KCNAB2: variants seen among roughly 807,000 people sequenced by gnomAD.
KCNAB2 encodes potassium voltage-gated channel subfamily A regulatory beta subunit 2.
A neutral mutation model predicts 63.6 loss-of-function variants in KCNAB2; 29 were observed. The observed-to-expected ratio is 0.46, with a 90% CI of 0.34 to 0.62. The LOEUF (loss-of-function observed/expected upper bound fraction) is 0.62, where lower values mean the gene tolerates loss of function less well. Ranked by LOEUF, KCNAB2 falls within the 20% of genes least tolerant of loss-of-function variation. The pLI is 0.01. For synonymous variants in KCNAB2, 222 were observed against 224.2 expected (o/e 0.99, Z 0.09); for missense variants, 359 against 563.9 (o/e 0.64, Z 3.68).
chr1:6,079,290 C>T (rs1455326418), intron 4 of KCNAB2, among the ~76,000 whole-genome samples: 3 of 152,024 alleles, frequency 2.0e-5, no homozygotes, highest in South Asian at 4.1e-4. Context: ...GAGGCTGAGG[C>T]GGGCAGATCA....
chr1:6,059,120 G>A (rs1557465119), intron 2 of KCNAB2, among the ~76,000 whole-genome samples: 1 of 152,196 alleles, frequency 6.6e-6, no homozygotes, highest in Non-Finnish European at 1.5e-5. Flanking sequence ...GTAACCGACT[G>A]ATGATGTGCT....
chr1:6,005,834 TG>T lies in KCNAB2; in HGVS notation c.-53+13048del, dbSNP rs1349778584. Among the ~76,000 whole-genome samples the T allele has an allele frequency of 2.6e-5, 4 of 151,778 alleles. No individual in the cohort carries two copies. The East Asian group carries it at 7.8e-4, about 30-fold the overall frequency. ...TGGCAGGGACCACGGGTGCTGTGAC[TG>T]GAGGGAGGTCCCAGGGCTGGCACCC... On this transcript the variant is annotated intron_variant, in intron 1 of 16. Transcript: ENST00000341524.
chr1:6,089,084 A>G, intron 8 of KCNAB2, 33 bp downstream of exon 8: 3 of 1,544,150 alleles, frequency 1.9e-6, no homozygotes, highest in Non-Finnish European at 2.6e-6. Context: ...CAGGGCCCCC[A>G]TACCTGTGGG....
At chr1:6,007,588 G>C (rs1657895081) in intron 1 of KCNAB2, 2 of 152,446 alleles carry the variant, frequency 1.3e-5, no homozygotes, top group African/African-American at 4.8e-5. Flanking sequence ...TCCGGAAGTG[G>C]TTCTTGCTGT....
At position 6,086,236 on chromosome 1, in the gene KCNAB2, G is replaced by A. The variant is rs1221426164; in HGVS notation, c.425+988G>A. ...GCCACTCAGAATCCCAGTGCCAAGG[G>A]GAGCCCCCGCCCCCTCCCCCATGGA... On this transcript the variant is annotated intron_variant, in intron 6 of 15. Transcript: ENST00000378083. This position sits in a 1 kb window ranked among gnomAD's most constrained non-coding sequence, Gnocchi z 4.2. 10 of 985,154 alleles carry A rather than the reference G, an allele frequency of 1.0e-5. No individual in the cohort carries two copies. Among genetic ancestry groups the A allele is most frequent in the Non-Finnish European group, 1.1e-5 (9 of 829,876 alleles). The allele number at this position is 985,154 out of a possible 1,614,324, so 61.0% of individuals were successfully genotyped here.
intron 10 of KCNAB2, among the ~76,000 whole-genome samples, chr1:6,093,411 A>G (rs961642600): frequency 2.0e-5 from 3 of 152,234 alleles, no homozygotes; most frequent in East Asian, 1.9e-4. Flanking sequence ...TAAAATCACA[A>G]TATCCCCATG....
intron 1 of KCNAB2, among the ~76,000 whole-genome samples, chr1:6,027,039 T>C (rs1659235592): frequency 1.3e-5 from 2 of 152,160 alleles, no homozygotes; most frequent in African/African-American, 4.8e-5. Flanking sequence ...CTCAGAACAC[T>C]TCCCCACCCT....
intron 8 of KCNAB2, 73 bp from the exon 9 acceptor site, chr1:6,090,316 G>C: frequency 9.4e-7 from 1 of 1,062,754 alleles, no homozygotes; most frequent in East Asian, 2.5e-5. Context: ...CCCTGAGCCG[G>C]GCATGGATGG....
rs1262480531 is a variant in KCNAB2 at position 5,998,622 on chromosome 1, C to CG, written c.-53+5838dup. Among the ~76,000 whole-genome samples the CG allele has an allele frequency of 5.3e-5, 8 of 152,178 alleles. No homozygotes were observed. The East Asian group carries it at 1.5e-3, about 29-fold the overall frequency. On this transcript the variant is annotated intron_variant, in intron 1 of 16. Transcript: ENST00000341524. ...GGGAACCCTGGATTCTTCCAGAGCC[C>CG]GGGGAGGAGAGGAAAATAGAGGATG...
In KCNAB2 at chr1:6,099,718, CA is replaced by C; in HGVS notation, c.*1145del. The stretch of plus-strand genomic sequence containing the variant: ...GCCCATGACTTGGGGGCTGCACCCC[CA>C]CAGCACCCCCACAATGTAGGAAAAG... On this transcript the variant is annotated 3_prime_UTR_variant, in exon 16 of 16. Coordinates refer to ENST00000378083, the MANE Select transcript of KCNAB2 (RefSeq NM_001199862.2). 7.0e-7 allele frequency: 1 copy of C among 1,432,140 alleles called. No homozygotes were observed. Among genetic ancestry groups the C allele is most frequent in the Non-Finnish European group, 9.2e-7 (1 of 1,087,990 alleles). 88.7% of individuals were successfully genotyped at this position (1,432,140 alleles called of 1,614,324 possible). A position where few individuals can be genotyped will look rare whatever the true frequency, so the allele number is the denominator to read the frequency against.
Position 6,005,379 on chromosome 1 carries a change from GA to G in KCNAB2, c.-53+12593del, listed in dbSNP as rs1557922293. Among the ~76,000 whole-genome samples the G allele has an allele frequency of 7.3e-4, 54 of 73,820 alleles. 11 individuals carry two copies. Among genetic ancestry groups the G allele is most frequent in the South Asian group, 1.5e-3 (3 of 2,042 alleles). The allele number at this position is 73,820 out of a possible 152,430, so 48.4% of individuals were successfully genotyped here. On this transcript the variant is annotated intron_variant, in intron 1 of 16. Coordinates refer to the KCNAB2 transcript ENST00000341524. ...GGGAGCTGAGCTGAGGAGTGAGGGTGAACTGGGGGATGTGGGAGCTGAGCTG... is the reference window on the plus strand; with the variant it reads ...GGGAGCTGAGCTGAGGAGTGAGGGTGACTGGGGGATGTGGGAGCTGAGCTG...
intron 1 of KCNAB2, among the ~76,000 whole-genome samples, chr1:6,050,205 G>A (rs1661270425): frequency 1.3e-5 from 2 of 152,350 alleles, no homozygotes; most frequent in South Asian, 4.1e-4. Context: ...GGTGGGGACA[G>A]TGCTGGTTCC....
At chr1:6,083,280 C>G (rs1447543648) in intron 5 of KCNAB2, among the ~76,000 whole-genome samples, 1 of 152,206 alleles carries the variant, frequency 6.6e-6, no homozygotes, top group Admixed American at 6.5e-5. Context: ...AGGCACCTCC[C>G]GTCCCGAGCC....
chr1:6,098,675 C>G lies in KCNAB2; in HGVS notation c.*101C>G, dbSNP rs1665844815. The G allele has an allele frequency of 1.4e-6, 2 of 1,381,616 alleles. No homozygotes were observed. The highest frequency in any genetic ancestry group is 4.4e-5 in the Admixed American group (2 of 45,818). 85.6% of individuals were successfully genotyped at this position (1,381,616 alleles called of 1,614,324 possible). ...CCAAGTGAAGAGTGTGGTTTGCATC[C>G]AAGAGAAAACACCACACTGTGATGT... On this transcript the variant is annotated 3_prime_UTR_variant, in exon 16 of 16. Coordinates refer to ENST00000378083, the MANE Select transcript of KCNAB2 (RefSeq NM_001199862.2).
At chr1:6,062,601 T>C (rs1032983908) in intron 2 of KCNAB2, among the ~76,000 whole-genome samples, 2 of 152,136 alleles carry the variant, frequency 1.3e-5, no homozygotes, top group Admixed American at 6.5e-5. Context: ...GGGAAGAACA[T>C]GGTCAGTGGC....
In KCNAB2 at chr1:6,078,789, G is replaced by T. The variant is rs1318708984; in HGVS notation, c.301-3406G>T. 1.3e-5 allele frequency among the ~76,000 whole-genome samples: 2 copies of T among 152,088 alleles called. No homozygotes were observed. Among genetic ancestry groups the T allele is most frequent in the Non-Finnish European group, 2.9e-5 (2 of 68,046 alleles). ...GAGTTCAGCGTGTGCACGATCCCATGTACTCGGAAGGCACATCCTGATGTG... is the reference window on the plus strand; with the variant it reads ...GAGTTCAGCGTGTGCACGATCCCATTTACTCGGAAGGCACATCCTGATGTG... On this transcript the variant is annotated intron_variant, in intron 4 of 15. Coordinates refer to ENST00000378083, the MANE Select transcript of KCNAB2 (RefSeq NM_001199862.2). The surrounding 1 kb of genome is among the most constrained non-coding windows in gnomAD (Gnocchi z 4.2).
At chr1:5,998,788 G>A (rs927311710) in intron 1 of KCNAB2, among the ~76,000 whole-genome samples, 5 of 152,186 alleles carry the variant, frequency 3.3e-5, no homozygotes, top group African/African-American at 1.2e-4. Flanking sequence ...CCAAGCACTC[G>A]CCAACCAACT....
chr1:6,011,051 C>T (rs1013935025), intron 1 of KCNAB2, among the ~76,000 whole-genome samples: 10 of 152,326 alleles, frequency 6.6e-5, no homozygotes, highest in African/African-American at 9.6e-5. Context: ...ACCACCAGGA[C>T]GACCACTGCA....
chr1:6,019,318 A>G (rs6699940), intron 1 of KCNAB2, among the ~76,000 whole-genome samples: 19,706 of 152,134 alleles, frequency 0.13, 1,763 homozygotes, highest in East Asian at 0.3. Context: ...GAAATAAATA[A>G]AACTGTAAAA....
Sources: gnomAD v4.1 joint callset for allele counts (sites outside exome capture counted in the v4.1 genomes callset) on GRCh38, gnomAD v4.1.1 for gene constraint, Gnocchi (gnomAD v3.1) non-coding constraint, MANE v1.5 for transcripts, NCBI Gene and HGNC (gene_info 2026-07-23, HGNC 2026-07-21) for gene names.